Variants in KLRG1 observed in about 807,000 individuals in gnomAD.
KLRG1 encodes the protein killer cell lectin-like receptor subfamily G member 1.
A neutral mutation model predicts 21.8 loss-of-function variants in KLRG1; 16 were observed. That is an observed-to-expected ratio of 0.73 (90% confidence interval 0.50 to 1.11). The LOEUF (loss-of-function observed/expected upper bound fraction) is 1.11. Among genes scored for constraint, KLRG1 ranks in the 50% most tolerant of loss-of-function variants. The pLI is 0.00. For missense variants in KLRG1, 173 were observed against 218.3 expected, an observed-to-expected ratio of 0.79 and a Z score of 1.31; for synonymous variants, 69 against 75.9, an observed-to-expected ratio of 0.91 and a Z score of 0.47.
chr12:9,076,961 A>G, the KLRG1 span: 1 of 1,540,866 alleles, frequency 6.5e-7, no homozygotes, highest in Non-Finnish European at 8.7e-7. Context: ...CAAGAAGGGA[A>G]CTAAGCTATG....
chr12:8,957,547 TG>T (rs1290831757), intron 1 of KLRG1, among the ~76,000 whole-genome samples: 2 of 152,054 alleles, frequency 1.3e-5, no homozygotes, highest in Non-Finnish European at 1.5e-5. Context: ...TTTTGTTTTT[TG>T]TTTTTTTTTA....
the KLRG1 span, chr12:9,157,133 A>C: frequency 4.4e-6 from 7 of 1,574,688 alleles, no homozygotes; most frequent in East Asian, 9.0e-5. Context: ...CCCTGTGTCT[A>C]TGTGTTCTCA....
chr12:9,080,237 A>T, the KLRG1 span: 1 of 1,205,158 alleles, frequency 8.3e-7, no homozygotes, highest in Non-Finnish European at 1.2e-6. Flanking sequence ...CTTTCTAAAC[A>T]GCTCTATGAC....
chr12:9,209,036 T>C, the KLRG1 span, among the ~76,000 whole-genome samples: 2 of 120,664 alleles, frequency 1.7e-5, no homozygotes, highest in African/African-American at 3.1e-5. Flanking sequence ...TTAAACCATG[T>C]CATTGACTTT....
chr12:9,050,014 C>T, the KLRG1 span, among the ~76,000 whole-genome samples: 193 of 152,226 alleles, frequency 1.3e-3, no homozygotes, highest in African/African-American at 4.5e-3. Flanking sequence ...ATTGTTGATC[C>T]TGACTTGCCA....
chr12:9,085,394 T>C, the KLRG1 span, among the ~76,000 whole-genome samples: 1 of 151,908 alleles, frequency 6.6e-6, no homozygotes, highest in Non-Finnish European at 1.5e-5. Flanking sequence ...GAAAATTAAA[T>C]GACATGCTCC....
the KLRG1 span, among the ~76,000 whole-genome samples, chr12:9,147,760 G>A: frequency 1.3e-5 from 2 of 152,060 alleles, no homozygotes; most frequent in Admixed American, 1.3e-4. Flanking sequence ...ATTCTTCTAT[G>A]ACTCCTTGAA....
At chr12:9,113,269 C>T in the KLRG1 span, 1 of 1,401,066 alleles carries the variant, frequency 7.1e-7, no homozygotes, top group Non-Finnish European at 9.7e-7. Flanking sequence ...CAGTTCTTAC[C>T]AACCTCCCAA....
At chr12:9,080,006 GTAT>G in the KLRG1 span, 1 of 971,530 alleles carries the variant, frequency 1.0e-6, no homozygotes, top group Admixed American at 3.1e-5. Flanking sequence ...TAAAATTATA[GTAT>G]TATTTTTAGT....
chr12:9,087,832 T>C, the KLRG1 span, among the ~76,000 whole-genome samples: 1 of 152,114 alleles, frequency 6.6e-6, no homozygotes, highest in Non-Finnish European at 1.5e-5. Flanking sequence ...TGCATATCTA[T>C]GCATATGCTC....
chr12:9,126,247 C>T, the KLRG1 span, among the ~76,000 whole-genome samples: 6 of 152,034 alleles, frequency 3.9e-5, no homozygotes, highest in Admixed American at 6.6e-5. Context: ...TTATTTCATC[C>T]GGTGAATCTC....
At chr12:9,157,262 A>G in the KLRG1 span, 5 of 1,614,164 alleles carry the variant, frequency 3.1e-6, no homozygotes, top group Non-Finnish European at 4.2e-6. Flanking sequence ...TAGGCCAGCA[A>G]TGCCTTGGTG....
chr12:9,113,288 C>G, the KLRG1 span: 2 of 1,518,296 alleles, frequency 1.3e-6, no homozygotes, highest in African/African-American at 1.4e-5. Flanking sequence ...AAAGCCTCAT[C>G]TGACAGAATA....
chr12:9,204,384 G>A, the KLRG1 span, among the ~76,000 whole-genome samples: 1 of 152,056 alleles, frequency 6.6e-6, no homozygotes, highest in East Asian at 1.9e-4. Flanking sequence ...AATCTGTCTA[G>A]ATAAACATCA....
the KLRG1 span, among the ~76,000 whole-genome samples, chr12:9,053,668 TCAGC>T: frequency 6.6e-6 from 1 of 152,172 alleles, no homozygotes; most frequent in Non-Finnish European, 1.5e-5. Flanking sequence ...AAGCACTAGG[TCAGC>T]CTGTGCTCGG....
the KLRG1 span, among the ~76,000 whole-genome samples, chr12:9,059,331 C>G: frequency 6.6e-6 from 1 of 152,060 alleles, no homozygotes; most frequent in African/African-American, 2.4e-5. Context: ...ATATTTTTAT[C>G]TAGAATGTAT....
At chr12:9,028,292 C>T in the KLRG1 span, among the ~76,000 whole-genome samples, 4 of 151,790 alleles carry the variant, frequency 2.6e-5, no homozygotes, top group Non-Finnish European at 4.4e-5. Flanking sequence ...GCTGGGATTA[C>T]AGGCGTGTGC....
the KLRG1 span, chr12:9,164,033 T>C: frequency 2.8e-6 from 4 of 1,432,718 alleles, no homozygotes; most frequent in Non-Finnish European, 3.8e-6. Context: ...CTTTATAGAA[T>C]TATATCTATG....
the KLRG1 span, among the ~76,000 whole-genome samples, chr12:9,212,515 T>C: frequency 6.6e-6 from 1 of 152,220 alleles, no homozygotes; most frequent in African/African-American, 2.4e-5. Flanking sequence ...ATAACTAATA[T>C]GTATAGTTGA....
Sources: gnomAD v4.1 joint callset for allele counts (sites outside exome capture counted in the v4.1 genomes callset) on GRCh38, gnomAD v4.1.1 for gene constraint, MANE v1.5 for transcripts, NCBI Gene and HGNC (gene_info 2026-07-23, HGNC 2026-07-21) for gene names.